CDH4: variants seen among roughly 807,000 people sequenced by gnomAD.
The protein encoded by CDH4 is cadherin 4, also known as cadherin-4.
CDH4 carries 33 observed loss-of-function variants against 86.0 expected under a neutral mutation model. That is an observed-to-expected ratio of 0.38 (90% CI 0.29 to 0.51). CDH4 has a LOEUF of 0.51. CDH4 is among the 20% of genes least tolerant of loss of function. CDH4 has a pLI of 0.86. For synonymous variants in CDH4, 555 were observed against 549.4 expected (o/e 1.01, Z -0.14); for missense variants, 1,114 against 1,307.4 (o/e 0.85, Z 2.28).
intron 2 of CDH4, among the ~76,000 whole-genome samples, chr20:61,672,377 C>A (rs1302913073): frequency 6.6e-6 from 1 of 152,066 alleles, no homozygotes; most frequent in Non-Finnish European, 1.5e-5. Context: ...CAGGTGCTGT[C>A]CCTGTCCTGG....
Position 61,252,585 on chromosome 20 carries a change from C to G in CDH4, c.57+15C>G. On this transcript the variant is annotated intron_variant, in intron 1 of 15. Coordinates refer to ENST00000614565, the MANE Select transcript of CDH4 (RefSeq NM_001794.5). This position sits in a 1 kb window ranked among gnomAD's most constrained non-coding sequence, Gnocchi z 4.4. Reference sequence around the variant, plus strand: ...GCGCGCTCCGGGTAAGTTGCCGCCTCCCGCCCCCGCCGTTCGGAAGCCCCG... The same window carrying G: ...GCGCGCTCCGGGTAAGTTGCCGCCTGCCGCCCCCGCCGTTCGGAAGCCCCG... 8.3e-7 allele frequency: 1 copy of G among 1,201,010 alleles called. No individual in the cohort carries two copies. Among genetic ancestry groups the G allele is most frequent in the Non-Finnish European group, 1.0e-6 (1 of 967,808 alleles). The allele number at this position is 1,201,010 out of a possible 1,614,324, so 74.4% of individuals were successfully genotyped here.
intron 2 of CDH4, among the ~76,000 whole-genome samples, chr20:61,407,787 G>T (rs976072400): frequency 3.9e-5 from 6 of 152,146 alleles, no homozygotes; most frequent in Non-Finnish European, 8.8e-5. Context: ...GATGAGTAAT[G>T]CACTGTGCAC....
In CDH4 at chr20:61,660,290, G is replaced by T. The variant is rs375616690; in HGVS notation, c.170-83273G>T. On this transcript the variant is annotated intron_variant, in intron 2 of 15. Transcript: ENST00000614565. Reference sequence around the variant, plus strand: ...GCTGCCCTCCACTTACAACAGAAACGCCCGCAAGGCATCTGTTCTCTTCTT... The same window carrying T: ...GCTGCCCTCCACTTACAACAGAAACTCCCGCAAGGCATCTGTTCTCTTCTT... Among the ~76,000 whole-genome samples, 6 of 152,276 alleles carry T rather than the reference G, an allele frequency of 3.9e-5. No homozygotes were observed. The East Asian group carries it at 5.8e-4, about 15-fold the overall frequency.
chr20:61,380,221 A>G (rs1471403974), intron 2 of CDH4, among the ~76,000 whole-genome samples: 2 of 152,304 alleles, frequency 1.3e-5, no homozygotes, highest in Admixed American at 6.5e-5. Context: ...AATGTACTGC[A>G]TTAAGGTTAT....
At chr20:61,917,102 C>T (rs906942424) in intron 9 of CDH4, among the ~76,000 whole-genome samples, 5 of 152,214 alleles carry the variant, frequency 3.3e-5, no homozygotes, top group Non-Finnish European at 7.3e-5. Context: ...CAAAAGAAGT[C>T]CACAGGCATC....
At chr20:61,867,204 C>G (rs1231539133) in intron 6 of CDH4, among the ~76,000 whole-genome samples, 4 of 152,256 alleles carry the variant, frequency 2.6e-5, no homozygotes, top group African/African-American at 9.6e-5. Context: ...CACTGACACC[C>G]TGGCTTTGCC....
chr20:61,316,615 A>G (rs1314479130), intron 2 of CDH4, among the ~76,000 whole-genome samples: 1 of 152,212 alleles, frequency 6.6e-6, no homozygotes, highest in African/African-American at 2.4e-5. Flanking sequence ...AGCGCAATTA[A>G]TTTAGTAGGC....
intron 2 of CDH4, among the ~76,000 whole-genome samples, chr20:61,450,065 C>T (rs1158819610): frequency 9.9e-5 from 15 of 152,216 alleles, no homozygotes; most frequent in Admixed American, 9.8e-4. Context: ...AGAATGGAAA[C>T]TTGAGGGTAT....
intron 2 of CDH4, among the ~76,000 whole-genome samples, chr20:61,662,855 C>T (rs913223710): frequency 6.6e-6 from 1 of 152,134 alleles, no homozygotes; most frequent in South Asian, 2.1e-4. Context: ...TCTCCATGTC[C>T]GCCTACAGGG....
Position 61,665,597 on chromosome 20 carries a change from C to T in CDH4, c.170-77966C>T, listed in dbSNP as rs139008619. On this transcript the variant is annotated intron_variant, in intron 2 of 15. Coordinates refer to ENST00000614565, the MANE Select transcript of CDH4 (RefSeq NM_001794.5). ...CCCCCCATGAAGCTCACGTCCCAGGCGGAGGGGCCTGGAGCATCCACCAGC... is the reference window on the plus strand; with the variant it reads ...CCCCCCATGAAGCTCACGTCCCAGGTGGAGGGGCCTGGAGCATCCACCAGC... Among the ~76,000 whole-genome samples, 528 of 152,268 alleles carry T rather than the reference C, an allele frequency of 3.5e-3. 2 individuals carry two copies. Among genetic ancestry groups the T allele is most frequent in the African/African-American group, 0.012 (498 of 41,556 alleles).
chr20:61,893,299 TGG>T (rs1260222368), intron 7 of CDH4, among the ~76,000 whole-genome samples: 147 of 7,536 alleles, frequency 0.02, no homozygotes, highest in Middle Eastern at 0.042. Context: ...GAGGGATAGA[TGG>T]ATGGGTGGGT....
rs114479702 is a variant in CDH4, at chr20:61,373,961, C to G, written c.169+119024C>G. 8.8e-3 allele frequency among the ~76,000 whole-genome samples: 1,344 copies of G among 152,152 alleles called. 25 individuals are homozygous for G. The highest frequency in any genetic ancestry group is 0.031 in the African/African-American group (1,296 of 41,522). ...ATGGGGATGGGGCAGGTGTGGAACTCGTGGGGCAGTGGTGTTCTCTAGAGG... is the reference window on the plus strand; with the variant it reads ...ATGGGGATGGGGCAGGTGTGGAACTGGTGGGGCAGTGGTGTTCTCTAGAGG... On this transcript the variant is annotated intron_variant, in intron 2 of 15. Transcript: ENST00000614565.
intron 10 of CDH4, 152 bp downstream of exon 10, chr20:61,923,856 G>A (rs888290853): frequency 1.1e-6 from 1 of 942,006 alleles, no homozygotes; most frequent in African/African-American, 1.6e-5. Context: ...CCAGGAGGGA[G>A]CCGCAGCCCC....
chr20:61,367,941 G>A (rs939227236), intron 2 of CDH4, among the ~76,000 whole-genome samples: 5 of 148,256 alleles, frequency 3.4e-5, no homozygotes, highest in South Asian at 2.1e-4. Flanking sequence ...CATGCTCTTG[G>A]CTCACTGCAA....
chr20:61,534,803 C>T (rs1187310216), intron 2 of CDH4, among the ~76,000 whole-genome samples: 1 of 120,184 alleles, frequency 8.3e-6, no homozygotes, highest in Non-Finnish European at 1.8e-5. Context: ...TGTTCATCCT[C>T]AACCCGACGG....
At chr20:61,297,911 G>A (rs764665609) in intron 2 of CDH4, among the ~76,000 whole-genome samples, 2 of 152,214 alleles carry the variant, frequency 1.3e-5, no homozygotes, top group African/African-American at 2.4e-5. Context: ...GGCAGTGCTC[G>A]CCTGTGGCCG....
intron 2 of CDH4, among the ~76,000 whole-genome samples, chr20:61,647,218 G>A (rs1299378509): frequency 6.6e-6 from 1 of 152,114 alleles, no homozygotes; most frequent in Non-Finnish European, 1.5e-5. Context: ...CCTTGGGTAG[G>A]ATCAGGGTCT....
intron 6 of CDH4, among the ~76,000 whole-genome samples, chr20:61,863,287 G>A (rs997096114): frequency 5.3e-5 from 8 of 152,202 alleles, no homozygotes; most frequent in African/African-American, 1.7e-4. Flanking sequence ...ACCTGCAGCC[G>A]GGGCGGGGGA....
intron 3 of CDH4, among the ~76,000 whole-genome samples, chr20:61,764,164 G>A (rs2088671313): frequency 6.6e-6 from 1 of 152,174 alleles, no homozygotes; most frequent in Non-Finnish European, 1.5e-5. Flanking sequence ...AAATATTGTG[G>A]CCCCAAGAAG....
Sources: allele counts gnomAD v4.1 joint callset (sites outside exome capture counted in the v4.1 genomes callset), GRCh38; gene constraint gnomAD v4.1.1; non-coding constraint Gnocchi (gnomAD v3.1); transcripts MANE v1.5; gene names NCBI Gene and HGNC (gene_info 2026-07-23, HGNC 2026-07-21).